The following CSGALNACT1 variants were observed in gnomAD, a reference collection of about 807,000 sequenced individuals.
The protein encoded by CSGALNACT1 is beta4GalNAcT-1.
A neutral mutation model predicts 51.0 loss-of-function variants in CSGALNACT1; 52 were observed. The ratio of observed to expected loss-of-function variants is 1.02; its 90% CI spans 0.82 to 1.29. The LOEUF (loss-of-function observed/expected upper bound fraction) is 1.29. Among genes scored for constraint, CSGALNACT1 ranks in the 50% most tolerant of loss-of-function variants. The probability of loss-of-function intolerance (pLI) is 0.00; values close to 1 mark genes in which losing one functional copy is unlikely to be tolerated. For missense variants in CSGALNACT1, 935 were observed against 679.2 expected, an observed-to-expected ratio of 1.38 and a Z score of -4.19; for synonymous variants, 341 against 254.4, an observed-to-expected ratio of 1.34 and a Z score of -3.24.
intron 3 of CSGALNACT1, among the ~76,000 whole-genome samples, chr8:19,577,365 G>A (rs141113419): frequency 1.4e-5 from 2 of 147,190 alleles, no homozygotes; most frequent in Non-Finnish European, 2.9e-5. Context: ...GGGTTTGAGA[G>A]CAGCACCTAG....
rs142628907 is a variant in CSGALNACT1 at position 19,473,362 on chromosome 8, T to C, written c.635-14720A>G. Among the ~76,000 whole-genome samples, 39 of 152,258 alleles carry C rather than the reference T, an allele frequency of 2.6e-4. No individual in the cohort carries two copies. The East Asian group carries it at 5.8e-3, about 23-fold the overall frequency. On this transcript the variant is annotated intron_variant, in intron 4 of 9. Coordinates refer to ENST00000454498, the Ensembl canonical transcript of CSGALNACT1. ...ACTTACCATGACCTTTCATCTCCCC[T>C]CCCAATCATCTGTTCTAGTTGTAAA... is the stretch of plus-strand genomic sequence containing the variant.
At chr8:19,575,088 G>A (rs748701953) in intron 3 of CSGALNACT1, among the ~76,000 whole-genome samples, 16 of 152,004 alleles carry the variant, frequency 1.1e-4, no homozygotes, top group Admixed American at 9.2e-4. Context: ...TTAGAGCTGT[G>A]GGACTGGTTC....
chr8:19,682,794 G>A (rs1392504007), upstream of CSGALNACT1: 1 of 453,476 alleles, frequency 2.2e-6, no homozygotes, highest in Admixed American at 2.4e-5. Context: ...GTTTTAAGCA[G>A]CCTTTCCGGC....
At chr8:19,681,017 G>A (rs1312434388) in intron 1 of CSGALNACT1, among the ~76,000 whole-genome samples, 6 of 152,068 alleles carry the variant, frequency 3.9e-5, no homozygotes, top group African/African-American at 1.4e-4. Context: ...GATGTGTGTA[G>A]GTTACACACC....
At chr8:19,427,945 G>C (rs1164801859) in intron 6 of CSGALNACT1, among the ~76,000 whole-genome samples, 1 of 152,148 alleles carries the variant, frequency 6.6e-6, no homozygotes, top group Admixed American at 6.5e-5. Context: ...CCCCAGGTGA[G>C]GGAAGCAGTC....
At chr8:19,665,653 C>A (rs965544263) in intron 1 of CSGALNACT1, among the ~76,000 whole-genome samples, 3 of 152,162 alleles carry the variant, frequency 2.0e-5, no homozygotes, top group Non-Finnish European at 2.9e-5. Context: ...CCACCCAGCA[C>A]AGAACTTGGT....
rs112018811 is a variant in CSGALNACT1, at chr8:19,477,428, T to C, written c.635-18786A>G. Among the ~76,000 whole-genome samples the C allele has an allele frequency of 1.6e-3, 247 of 152,324 alleles. 2 individuals carry two copies. Among genetic ancestry groups the C allele is most frequent in the African/African-American group, 5.2e-3 (217 of 41,578 alleles). On this transcript the variant is annotated intron_variant, in intron 4 of 9. Transcript: ENST00000454498. ...CCTAGAAAACTTTTCCAGCGGACGA[T>C]AGCACACTCTTACTTTGGCCATAAA...
chr8:19,505,527 G>A (rs1280930851), exon 4 of CSGALNACT1: 2 of 1,613,844 alleles, frequency 1.2e-6, no homozygotes, highest in South Asian at 2.2e-5. Context: ...CAGGCCAGCA[G>A]CATCGCTGGC....
At chr8:19,585,691 G>A (rs2046470104) in intron 3 of CSGALNACT1, among the ~76,000 whole-genome samples, 1 of 152,214 alleles carries the variant, frequency 6.6e-6, no homozygotes, top group Non-Finnish European at 1.5e-5. Flanking sequence ...GAGGAATGGA[G>A]ATTCTAGAAG....
upstream of CSGALNACT1, among the ~76,000 whole-genome samples, chr8:19,685,377 G>A (rs1171213338): frequency 6.6e-6 from 1 of 152,176 alleles, no homozygotes. Flanking sequence ...TCATGTGCCT[G>A]TGGTCCCAGC....
At chr8:19,505,715 C>T (rs1260097959) in exon 4 of CSGALNACT1, 1 of 1,614,092 alleles carries the variant, frequency 6.2e-7, no homozygotes, top group Non-Finnish European at 8.5e-7. Flanking sequence ...CCAGCTGCTC[C>T]TCGTCACCTT....
intron 1 of CSGALNACT1, among the ~76,000 whole-genome samples, chr8:19,711,873 G>A (rs2062525844): frequency 2.0e-5 from 3 of 152,156 alleles, no homozygotes; most frequent in Admixed American, 1.3e-4. Flanking sequence ...GCACTACTGG[G>A]ATGGTCACTT....
chr8:19,466,812 G>C (rs4391455), intron 4 of CSGALNACT1, among the ~76,000 whole-genome samples: 137,603 of 152,290 alleles, frequency 0.9, 62,207 homozygotes, highest in Admixed American at 0.93. Flanking sequence ...CTACTTTCCC[G>C]TGCATCACAG....
At chr8:19,491,289 T>C (rs141508861) in intron 4 of CSGALNACT1, among the ~76,000 whole-genome samples, 85 of 152,342 alleles carry the variant, frequency 5.6e-4, no homozygotes, top group African/African-American at 1.9e-3. Context: ...CAGTCTCCTA[T>C]TGTTAGACAA....
In CSGALNACT1 at chr8:19,662,087, C is replaced by A. The variant is rs1005403252; in HGVS notation, c.-544+20386G>T. 1.8e-4 allele frequency among the ~76,000 whole-genome samples: 20 copies of A among 113,236 alleles called. 1 individual carries two copies. In the East Asian group the frequency reaches 3.0e-3, roughly 17 times the overall value. 74.3% of individuals were successfully genotyped at this position (113,236 alleles called of 152,430 possible). Reference sequence around the variant, plus strand: ...CCACCCCCCCCCACCCCCCCCCCCCCCCGCATCTTCAGCAGCTTCAGCTCT... The same window carrying A: ...CCACCCCCCCCCACCCCCCCCCCCCACCGCATCTTCAGCAGCTTCAGCTCT... On this transcript the variant is annotated intron_variant, in intron 1 of 9. Transcript: ENST00000332246.
intron 4 of CSGALNACT1, among the ~76,000 whole-genome samples, chr8:19,461,080 G>A (rs1228086135): frequency 1.3e-5 from 2 of 152,176 alleles, no homozygotes; most frequent in Non-Finnish European, 2.9e-5. Flanking sequence ...CTTCACCAAT[G>A]CGTTGAGTAA....
At chr8:19,725,655 C>A (rs2063358461) in intron 1 of CSGALNACT1, among the ~76,000 whole-genome samples, 1 of 151,946 alleles carries the variant, frequency 6.6e-6, no homozygotes, top group Admixed American at 6.6e-5. Flanking sequence ...GAACTCCTGA[C>A]CTCGTGATCC....
chr8:19,449,458 C>A (rs1296626102), intron 5 of CSGALNACT1, among the ~76,000 whole-genome samples: 1 of 152,174 alleles, frequency 6.6e-6, no homozygotes, highest in East Asian at 1.9e-4. Flanking sequence ...CATGATCCAA[C>A]ATTTGCTGAC....
At chr8:19,628,241 T>TG (rs772415246) in intron 1 of CSGALNACT1, among the ~76,000 whole-genome samples, 1 of 152,200 alleles carries the variant, frequency 6.6e-6, no homozygotes, top group Non-Finnish European at 1.5e-5. Context: ...TCCACATGGC[T>TG]GGGGAGGCCT....
Sources: gnomAD v4.1 joint callset for allele counts (sites outside exome capture counted in the v4.1 genomes callset) on GRCh38, gnomAD v4.1.1 for gene constraint, MANE v1.5 for transcripts, NCBI Gene and HGNC (gene_info 2026-07-23, HGNC 2026-07-21) for gene names.